The following SORCS3 variants were observed in gnomAD, a reference collection of about 807,000 sequenced individuals.
The protein encoded by SORCS3 is sortilin related VPS10 domain containing receptor 3.
SORCS3 carries 57 observed loss-of-function variants against 146.3 expected under a neutral mutation model. The ratio of observed to expected loss-of-function variants is 0.39; its 90% CI spans 0.31 to 0.49. The LOEUF is 0.49. Ranked by LOEUF, SORCS3 falls within the 20% of genes least tolerant of loss-of-function variation. SORCS3 has a pLI of 0.92. For synonymous variants in SORCS3, 653 were observed against 618.5 expected (o/e 1.06, Z -0.83); for missense variants, 1,341 against 1,575.5 (o/e 0.85, Z 2.52).
chr10:104,706,635 C>T (rs1048604817), intron 1 of SORCS3, among the ~76,000 whole-genome samples: 2 of 152,120 alleles, frequency 1.3e-5, no homozygotes, highest in Non-Finnish European at 1.5e-5. Context: ...GTAAGGGGTG[C>T]GATGTATGCA....
At chr10:104,878,550 T>C (rs1362566098) in intron 2 of SORCS3, among the ~76,000 whole-genome samples, 2 of 152,196 alleles carry the variant, frequency 1.3e-5, no homozygotes, top group Non-Finnish European at 2.9e-5. Flanking sequence ...ACAAGCTGTA[T>C]GTATTATTTA....
chr10:104,649,300 C>A (rs2015531894), intron 1 of SORCS3, among the ~76,000 whole-genome samples: 1 of 152,200 alleles, frequency 6.6e-6, no homozygotes, highest in Admixed American at 6.5e-5. Context: ...AGTTGTTACC[C>A]TCTCTGCTGT....
intron 19 of SORCS3, among the ~76,000 whole-genome samples, chr10:105,219,034 T>C (rs181403107): frequency 7.2e-5 from 11 of 152,128 alleles, no homozygotes; most frequent in Admixed American, 6.5e-4. Flanking sequence ...TATATATATA[T>C]CTTATCTTCA....
At chr10:105,167,507 T>A (rs1306354368) in intron 13 of SORCS3, among the ~76,000 whole-genome samples, 158 bp downstream of exon 13, 1 of 152,114 alleles carries the variant, frequency 6.6e-6, no homozygotes, top group Non-Finnish European at 1.5e-5. Flanking sequence ...ATCATCTAAC[T>A]CATAAGCAGC....
At chr10:104,749,052 G>C (rs879378219) in intron 1 of SORCS3, among the ~76,000 whole-genome samples, 7 of 152,154 alleles carry the variant, frequency 4.6e-5, no homozygotes, top group Admixed American at 4.6e-4. Context: ...CACTCCATGG[G>C]GGGCAGGCAA....
chr10:104,919,354 G>C (rs2019063614), intron 3 of SORCS3, among the ~76,000 whole-genome samples: 1 of 147,686 alleles, frequency 6.8e-6, no homozygotes, highest in Admixed American at 6.7e-5. Context: ...TAAGCAACAG[G>C]CCAATGGCAT....
chr10:105,002,661 T>C (rs2055069497), intron 4 of SORCS3, among the ~76,000 whole-genome samples: 1 of 152,252 alleles, frequency 6.6e-6, no homozygotes, highest in Admixed American at 6.5e-5. Flanking sequence ...TTACCTACCC[T>C]CTTGGGTAAT....
intron 1 of SORCS3, among the ~76,000 whole-genome samples, chr10:104,725,357 C>T (rs1414311033): frequency 6.6e-6 from 1 of 152,128 alleles, no homozygotes; most frequent in Non-Finnish European, 1.5e-5. Flanking sequence ...AGAGGAGTAC[C>T]CGGGCATGTG....
intron 1 of SORCS3, among the ~76,000 whole-genome samples, chr10:104,821,068 G>A (rs2017867421): frequency 6.6e-6 from 1 of 152,186 alleles, no homozygotes; most frequent in South Asian, 2.1e-4. Flanking sequence ...TGTCGTCAAA[G>A]ACTTAGATTT....
chr10:105,254,323 C>T lies in SORCS3; in HGVS notation c.3238-1379C>T, dbSNP rs75036476. The stretch of plus-strand genomic sequence containing the variant: ...ATGGGTTGAACTTCTTTCATTGGAA[C>T]CCATAACAGGTCTTTTTAGAGGGTT... On this transcript the variant is annotated intron_variant, in intron 23 of 26. Transcript: ENST00000369701. Among the ~76,000 whole-genome samples, 395 of 152,212 alleles carry T rather than the reference C, an allele frequency of 2.6e-3. 1 individual carries two copies. Among genetic ancestry groups the T allele is most frequent in the African/African-American group, 9.1e-3 (376 of 41,532 alleles).
intron 1 of SORCS3, among the ~76,000 whole-genome samples, chr10:104,727,842 G>T (rs1423827430): frequency 6.6e-6 from 1 of 152,090 alleles, no homozygotes; most frequent in African/African-American, 2.4e-5. Flanking sequence ...AACTGTGCAG[G>T]CAAGGGATCT....
At chr10:104,888,866 G>A (rs1400812941) in intron 2 of SORCS3, among the ~76,000 whole-genome samples, 2 of 152,084 alleles carry the variant, frequency 1.3e-5, no homozygotes, top group Non-Finnish European at 2.9e-5. Flanking sequence ...GACATTTGGG[G>A]GCCTCGAGGG....
chr10:104,979,776 A>T (rs1756719363), intron 4 of SORCS3, among the ~76,000 whole-genome samples: 1 of 152,196 alleles, frequency 6.6e-6, no homozygotes, highest in Non-Finnish European at 1.5e-5. Flanking sequence ...TGTATGAAAG[A>T]CTTAGCCAAA....
chr10:104,671,130 C>CT lies in SORCS3; in HGVS notation c.627+29186dup, dbSNP rs1187399647. On this transcript the variant is annotated intron_variant, in intron 1 of 26. Coordinates refer to ENST00000369701, the MANE Select transcript of SORCS3 (RefSeq NM_014978.3). ...ACTTCTTTCTTTCCAATTCGTATGCCTTTTTTTTTTCTTGCCGAATTGCTC... is the reference window on the plus strand; with the variant it reads ...ACTTCTTTCTTTCCAATTCGTATGCCTTTTTTTTTTTCTTGCCGAATTGCTC... Among the ~76,000 whole-genome samples, 17 of 145,716 alleles carry CT rather than the reference C, an allele frequency of 1.2e-4. No individual in the cohort carries two copies. In the South Asian group the frequency reaches 1.3e-3, roughly 11 times the overall value.
At chr10:104,762,253 G>A (rs1013166684) in intron 1 of SORCS3, among the ~76,000 whole-genome samples, 3 of 152,162 alleles carry the variant, frequency 2.0e-5, no homozygotes, top group East Asian at 1.9e-4. Flanking sequence ...ACCATTTGTG[G>A]TGTGCTGGTC....
intron 5 of SORCS3, among the ~76,000 whole-genome samples, chr10:105,047,646 T>C (rs2055382798): frequency 6.6e-6 from 1 of 152,072 alleles, no homozygotes; most frequent in African/African-American, 2.4e-5. Context: ...ATGCAGGGAA[T>C]GTGTATCTTG....
intron 1 of SORCS3, among the ~76,000 whole-genome samples, chr10:104,658,514 T>G (rs2015659727): frequency 6.6e-6 from 1 of 152,152 alleles, no homozygotes; most frequent in Admixed American, 6.5e-5. Flanking sequence ...CTCACTTGGC[T>G]CAGTTTGTAT....
intron 25 of SORCS3, among the ~76,000 whole-genome samples, chr10:105,257,132 G>A (rs946369925): frequency 5.9e-5 from 9 of 152,150 alleles, no homozygotes; most frequent in Non-Finnish European, 1.3e-4. Context: ...TGATTTATAG[G>A]TGTAATGAGT....
chr10:105,083,267 T>G (rs1014802768), intron 5 of SORCS3, among the ~76,000 whole-genome samples: 1 of 152,198 alleles, frequency 6.6e-6, no homozygotes, highest in Admixed American at 6.5e-5. Flanking sequence ...AGGAGTTTTT[T>G]TTTTCAGGCA....
Sources: gnomAD v4.1 joint callset for allele counts (sites outside exome capture counted in the v4.1 genomes callset) on GRCh38, gnomAD v4.1.1 for gene constraint, MANE v1.5 for transcripts, NCBI Gene and HGNC (gene_info 2026-07-23, HGNC 2026-07-21) for gene names.